The following BMS1 variants were observed in gnomAD, a reference collection of about 807,000 sequenced individuals.
The protein encoded by BMS1 is BMS1 ribosome biogenesis factor.
In BMS1, 53 loss-of-function variants were observed where a neutral mutation model predicts 138.7. The ratio of observed to expected loss-of-function variants is 0.38; its 90% confidence interval spans 0.31 to 0.48. The LOEUF is 0.48. Among genes scored for constraint, BMS1 ranks in the 20% least tolerant of loss-of-function variants. The pLI, the probability that BMS1 is intolerant of heterozygous loss-of-function variation, is 0.97. For missense variants in BMS1, 1,360 were observed against 1,565.5 expected, an observed-to-expected ratio of 0.87 and a Z score of 2.22; for synonymous variants, 504 against 539.9, an observed-to-expected ratio of 0.93 and a Z score of 0.92.
At chr10:42,820,476 C>G (rs1362584056) in intron 16 of BMS1, 32 bp from the exon 17 acceptor site, 7 of 1,611,222 alleles carry the variant, frequency 4.3e-6, no homozygotes, top group Non-Finnish European at 5.1e-6. Flanking sequence ...GATTTCCCCT[C>G]CATCAATCAT....
chr10:42,809,329 G>C (rs1480606892), intron 13 of BMS1, among the ~76,000 whole-genome samples: 1 of 152,004 alleles, frequency 6.6e-6, no homozygotes, highest in Non-Finnish European at 1.5e-5. Context: ...TTTGTAGATT[G>C]CCTGGGATTG....
At chr10:42,797,598 T>C in intron 11 of BMS1, 75 bp downstream of exon 11, 1 of 1,438,144 alleles carries the variant, frequency 7.0e-7, no homozygotes. Flanking sequence ...GGTTGGAGGA[T>C]TCGGCTGGTA....
intron 21 of BMS1, among the ~76,000 whole-genome samples, chr10:42,829,341 A>G (rs1842739680): frequency 1.3e-5 from 2 of 152,010 alleles, no homozygotes. Flanking sequence ...CATCTCAATT[A>G]AATATAGAAT....
rs185097693 is a variant in BMS1 at position 42,811,760 on chromosome 10, G to A, written c.2330-4839G>A. Among the ~76,000 whole-genome samples, 877 of 150,050 alleles carry A rather than the reference G, an allele frequency of 5.8e-3. 11 individuals are homozygous for A. The highest frequency in any genetic ancestry group is 0.02 in the African/African-American group (803 of 40,796). On this transcript the variant is annotated intron_variant, in intron 13 of 22. Transcript: ENST00000374518. ...GGGATGGTCTCGATCTCCTGACCTC[G>A]TGATCCGCCCGCCTCGGCCTCCCAA...
intron 13 of BMS1, among the ~76,000 whole-genome samples, chr10:42,816,265 C>T (rs566807339): frequency 6.6e-6 from 1 of 152,238 alleles, no homozygotes; most frequent in East Asian, 1.9e-4. Flanking sequence ...TGCCACTGCA[C>T]TCCAGCTTGG....
At position 42,816,596 on chromosome 10, in the gene BMS1, C is replaced by T. The variant is rs748798421; in HGVS notation, c.2330-3C>T. 10 of 1,608,102 alleles carry T rather than the reference C, an allele frequency of 6.2e-6. No homozygotes were observed. The highest frequency in any genetic ancestry group is 1.1e-5 in the South Asian group (1 of 90,572). On this transcript the variant is annotated splice_polypyrimidine_tract_variant and splice_region_variant and intron_variant, in intron 13 of 22. Transcript: ENST00000374518. ...GAGCAGCCTTTGGGTGTTCTTTTCC[C>T]AGAGGAGCTCTACGGTGACTTTGAA...
chr10:42,821,601 G>A lies in BMS1; in HGVS notation c.3010-461G>A, dbSNP rs565153239. ...AGAGTCTCACTCTGTCATCCAGGCTGGAGTGCAGTGGCACGATCTTGGCTC... is the reference window on the plus strand; with the variant it reads ...AGAGTCTCACTCTGTCATCCAGGCTAGAGTGCAGTGGCACGATCTTGGCTC... On this transcript the variant is annotated intron_variant, in intron 18 of 22. Transcript: ENST00000374518. Among the ~76,000 whole-genome samples the A allele has an allele frequency of 4.6e-5, 6 of 131,424 alleles. No individual in the cohort carries two copies. The East Asian group carries it at 1.4e-3, about 30-fold the overall frequency. 86.2% of individuals were successfully genotyped at this position (131,424 alleles called of 152,430 possible).
intron 15 of BMS1, among the ~76,000 whole-genome samples, chr10:42,819,444 C>T (rs1464279734): frequency 2.6e-5 from 4 of 152,320 alleles, no homozygotes; most frequent in Admixed American, 6.5e-5. Context: ...TAAATAGCCA[C>T]TCATAGCTCC....
intron 9 of BMS1, among the ~76,000 whole-genome samples, chr10:42,794,731 T>C (rs1841619641): frequency 6.6e-6 from 1 of 151,864 alleles, no homozygotes; most frequent in Non-Finnish European, 1.5e-5. Context: ...ACAGTTAAAA[T>C]ACATAATTTT....
chr10:42,790,559 A>G, intron 5 of BMS1, 48 bp downstream of exon 5: 1 of 1,595,002 alleles, frequency 6.3e-7, no homozygotes, highest in Non-Finnish European at 8.6e-7. Context: ...ATCCTTTTAA[A>G]ATAGACTGAA....
intron 21 of BMS1, among the ~76,000 whole-genome samples, chr10:42,827,703 A>G (rs1166982639): frequency 6.6e-6 from 1 of 151,984 alleles, no homozygotes; most frequent in Non-Finnish European, 1.5e-5. Context: ...TTATGTGACC[A>G]TCCTAGTTTT....
chr10:42,799,761 C>A (rs1841811630), intron 12 of BMS1, among the ~76,000 whole-genome samples: 1 of 152,144 alleles, frequency 6.6e-6, no homozygotes, highest in South Asian at 2.1e-4. Flanking sequence ...TGTAGTCCAG[C>A]CTCTTAAGGT....
At chr10:42,816,718 G>A (rs750340036) in intron 14 of BMS1, 46 bp downstream of exon 14, 3 of 1,492,604 alleles carry the variant, frequency 2.0e-6, no homozygotes, top group East Asian at 2.3e-5. Flanking sequence ...TGTGTTCTGA[G>A]AGAGGCCCAC....
intron 21 of BMS1, among the ~76,000 whole-genome samples, chr10:42,827,665 G>T (rs1234347695): frequency 6.6e-6 from 1 of 152,098 alleles, no homozygotes; most frequent in Non-Finnish European, 1.5e-5. Flanking sequence ...GGGATGGGTG[G>T]TGGGGGGCAG....
chr10:42,816,911 C>T (rs1168503340), intron 14 of BMS1, among the ~76,000 whole-genome samples: 4 of 152,210 alleles, frequency 2.6e-5, no homozygotes, highest in South Asian at 2.1e-4. Flanking sequence ...TGATTTTTCA[C>T]TCACGGAAGT....
chr10:42,797,932 C>A (rs1174209328), intron 11 of BMS1, among the ~76,000 whole-genome samples: 16 of 152,156 alleles, frequency 1.1e-4, no homozygotes, highest in Admixed American at 1.0e-3. Flanking sequence ...ACTAAACTTA[C>A]CAATATGTTC....
intron 21 of BMS1, among the ~76,000 whole-genome samples, chr10:42,824,928 T>G (rs1294099156): frequency 2.0e-5 from 3 of 152,346 alleles, no homozygotes; most frequent in South Asian, 2.1e-4. Context: ...GTGCGATGCC[T>G]CCAACTTTTT....
intron 15 of BMS1, 38 bp downstream of exon 15, chr10:42,817,532 C>T (rs767183299): frequency 1.9e-6 from 3 of 1,569,446 alleles, no homozygotes; most frequent in Non-Finnish European, 2.6e-6. Context: ...CTTGTCAAGA[C>T]TATCATATAG....
intron 2 of BMS1, 30 bp from the exon 3 acceptor site, chr10:42,785,452 T>G (rs1449203299): frequency 6.5e-7 from 1 of 1,547,658 alleles, no homozygotes; most frequent in Non-Finnish European, 8.7e-7. Context: ...AGTTTACTAT[T>G]TATTTATTTG....
Sources: allele counts gnomAD v4.1 joint callset (sites outside exome capture counted in the v4.1 genomes callset), GRCh38; gene constraint gnomAD v4.1.1; transcripts MANE v1.5; gene names NCBI Gene and HGNC (gene_info 2026-07-23, HGNC 2026-07-21).